The following MDN1 variants were observed in gnomAD, a reference collection of about 807,000 sequenced individuals.
MDN1 encodes midasin.
In MDN1, 266 loss-of-function variants were observed where a neutral mutation model predicts 669.2. The ratio of observed to expected loss-of-function variants is 0.40; its 90% CI spans 0.36 to 0.44. MDN1 has a LOEUF of 0.44. Ranked by LOEUF, MDN1 falls within the 20% of genes least tolerant of loss-of-function variation. MDN1 has a pLI of 1.00. For missense variants in MDN1, 5,940 were observed against 6,754.0 expected (o/e 0.88, Z 4.22); for synonymous variants, 2,385 against 2,457.1 (o/e 0.97, Z 0.87).
At position 89,745,632 on chromosome 6, in the gene MDN1, A is replaced by T. The variant is rs543655776; in HGVS notation, c.3905-6T>A. On this transcript the variant is annotated splice_region_variant and splice_polypyrimidine_tract_variant and intron_variant, in intron 27 of 101. Coordinates refer to ENST00000369393, the MANE Select transcript of MDN1 (RefSeq NM_014611.3). The stretch of plus-strand genomic sequence containing the variant: ...ACCTGCCAGAAGCATATAACCTGGG[A>T]GGAGGAGGAGGAAAAGGAGGAGAGG... 11 of 1,608,950 alleles carry T rather than the reference A, an allele frequency of 6.8e-6. No individual in the cohort carries two copies. The African/African-American group carries it at 1.5e-4, about 21-fold the overall frequency.
rs564580092 is a variant in MDN1 at position 89,661,516 on chromosome 6, G to A, written c.14628C>T (p.Pro4876=). 12 of 1,614,106 alleles carry A rather than the reference G, an allele frequency of 7.4e-6. No homozygotes were observed. The highest frequency in any genetic ancestry group is 6.7e-5 in the East Asian group (3 of 44,878). The change falls in exon 88 of 102, where the codon CCC becomes CCT. Residue 4876 remains proline, a synonymous_variant. Coordinates refer to ENST00000369393, the MANE Select transcript of MDN1 (RefSeq NM_014611.3). ...YHGNQEKVPE[P]EALDLPDDLN... is the part of the protein sequence containing the mutation. ...AGTCATCTGGAAGGTCCAAAGCCTCGGGTTCTGGCACCTTTTCCTGATTGC... is the reference window on the plus strand; with the variant it reads ...AGTCATCTGGAAGGTCCAAAGCCTCAGGTTCTGGCACCTTTTCCTGATTGC...
intron 63 of MDN1, among the ~76,000 whole-genome samples, chr6:89,691,533 G>T (rs569446090): frequency 1.3e-5 from 2 of 151,914 alleles, no homozygotes; most frequent in Non-Finnish European, 2.9e-5. Flanking sequence ...GCATTGGGTT[G>T]GTTTTTGTTT....
At chr6:89,666,236 C>G (rs1197943664) in intron 84 of MDN1, among the ~76,000 whole-genome samples, 1 of 152,194 alleles carries the variant, frequency 6.6e-6, no homozygotes, top group Non-Finnish European at 1.5e-5. Context: ...AAAAAGAGAT[C>G]ATGCTTTACA....
At chr6:89,816,329 GGC>G (rs1197159169) in intron 1 of MDN1, among the ~76,000 whole-genome samples, 1 of 152,076 alleles carries the variant, frequency 6.6e-6, no homozygotes, top group Non-Finnish European at 1.5e-5. Flanking sequence ...GAACCCAGGG[GGC>G]AGAGGTTGCA....
Position 89,730,718 on chromosome 6 carries a change from A to T in MDN1, c.5140+8T>A. 6.2e-7 allele frequency: 1 copy of T among 1,602,152 alleles called. No individual in the cohort carries two copies. Among genetic ancestry groups the T allele is most frequent in the African/African-American group, 1.3e-5 (1 of 74,194 alleles). Reference sequence around the variant, plus strand: ...AAGGAAAATTCATTTTTTAAAAATCATTCTTACCCCTTGGTATAAAAAATG... The same window carrying T: ...AAGGAAAATTCATTTTTTAAAAATCTTTCTTACCCCTTGGTATAAAAAATG... On this transcript the variant is annotated splice_region_variant and intron_variant, in intron 35 of 101. Transcript: ENST00000369393.
chr6:89,671,142 C>A, intron 82 of MDN1, 62 bp from the exon 83 acceptor site: 1 of 1,544,440 alleles, frequency 6.5e-7, no homozygotes, highest in South Asian at 1.2e-5. Flanking sequence ...GGTTTCCATT[C>A]TGGAACTAGA....
chr6:89,714,553 G>T lies in MDN1; in HGVS notation c.7059C>A (p.Ser2353Arg). The T allele has an allele frequency of 6.2e-7, 1 of 1,607,070 alleles. No homozygotes were observed. Among genetic ancestry groups the T allele is most frequent in the Non-Finnish European group, 8.5e-7 (1 of 1,176,508 alleles). Residue 2353 changes from serine to arginine, a missense_variant, in exon 46 of 102, where the codon AGC becomes AGA. Ser to Arg is a moderately radical substitution (Grantham distance 110). Around this residue, in one of 5 missense-constraint regions of MDN1, gnomAD observed 2,292 missense variants for 2,638.3 expected, o/e 0.87. Transcript: ENST00000369393. ...ILLALHTETR[S>R]TVVGSPTSSV... ...AGTCAAGCACCTCACCTACAACAGTGCTCCGGGTCTCTGTGTGTAAAGCCA... is the reference window on the plus strand; with the variant it reads ...AGTCAAGCACCTCACCTACAACAGTTCTCCGGGTCTCTGTGTGTAAAGCCA...
chr6:89,774,971 T>C (rs1288482464), intron 12 of MDN1, among the ~76,000 whole-genome samples: 1 of 152,154 alleles, frequency 6.6e-6, no homozygotes, highest in Non-Finnish European at 1.5e-5. Context: ...GCCCTACCTA[T>C]ATATGGAGTG....
In MDN1 at chr6:89,662,220, G is replaced by T; in HGVS notation, c.14432C>A (p.Ala4811Asp). ...GMDEEDSELVAKDDNLDSGNS... is the reference protein window; with the variant it reads ...GMDEEDSELVDKDDNLDSGNS... ...GCCACTATCCAAGTTGTCATCTTTA[G>T]CAACAAGTTCAGAATCTTCCTAAAT... is the stretch of plus-strand genomic sequence containing the variant. Residue 4811 changes from alanine (A) to aspartate (D), a missense_variant, in exon 87 of 102, where the codon GCT becomes GAT. Transcript: ENST00000369393. 1 of 1,611,264 alleles carries T rather than the reference G, an allele frequency of 6.2e-7. No homozygotes were observed. Among genetic ancestry groups the T allele is most frequent in the Non-Finnish European group, 8.5e-7 (1 of 1,179,430 alleles).
chr6:89,683,929 A>G (rs759979434), intron 71 of MDN1, 25 bp from the exon 72 acceptor site: 1 of 1,563,822 alleles, frequency 6.4e-7, no homozygotes, highest in Non-Finnish European at 8.8e-7. Context: ...ATGTTCAAGA[A>G]ATGGCTTTAT....
chr6:89,685,860 G>A lies in MDN1; in HGVS notation c.11686C>T (p.His3896Tyr). 1.9e-6 allele frequency: 3 copies of A among 1,614,010 alleles called. No homozygotes were observed. Among genetic ancestry groups the A allele is most frequent in the Non-Finnish European group, 2.5e-6 (3 of 1,180,014 alleles). Residue 3896 changes from histidine to tyrosine, a missense_variant, in exon 70 of 102, where the codon CAT becomes TAT. Transcript: ENST00000369393. ...RLQMLLVFHCHVLLMPQVEGK... is the reference protein window; with the variant it reads ...RLQMLLVFHCYVLLMPQVEGK... Reference sequence around the variant, plus strand: ...TCAACCTGTGGCATCAGCAAGACATGACAATGGAAAACCAGTAACATCTGA... The same window carrying A: ...TCAACCTGTGGCATCAGCAAGACATAACAATGGAAAACCAGTAACATCTGA...
At chr6:89,672,948 CACTA>C (rs1478133955) in intron 80 of MDN1, among the ~76,000 whole-genome samples, 5 of 152,148 alleles carry the variant, frequency 3.3e-5, no homozygotes, top group African/African-American at 9.7e-5. Context: ...TATGAATAAA[CACTA>C]ACTTAGTCCA....
chr6:89,748,117 G>A (rs994496826), intron 26 of MDN1, among the ~76,000 whole-genome samples: 2 of 151,922 alleles, frequency 1.3e-5, no homozygotes, highest in Non-Finnish European at 2.9e-5. Flanking sequence ...ACAAGGTCAG[G>A]AGATCGAGAC....
intron 90 of MDN1, 65 bp downstream of exon 90, chr6:89,658,144 T>C: frequency 6.3e-7 from 1 of 1,582,588 alleles, no homozygotes; most frequent in South Asian, 1.1e-5. Context: ...CAGAATGTGA[T>C]GTCGGACAGG....
rs765635280 is a variant in MDN1, at chr6:89,745,605, C to G, written c.3926G>C (p.Arg1309Pro). Residue 1309 changes from arginine (R) to proline (P), a missense_variant, in exon 28 of 102, where the codon CGA (arginine) becomes CCA (proline). Transcript: ENST00000369393. ...ANDGYMLLAGRVRKQEEIDVI... is the reference protein window; with the variant it reads ...ANDGYMLLAGPVRKQEEIDVI... ...ATCAATTTCCTCCTGCTTCCTGACT[C>G]GACCTGCCAGAAGCATATAACCTGG... 6.2e-7 allele frequency: 1 copy of G among 1,613,966 alleles called. No individual in the cohort carries two copies. Among genetic ancestry groups the G allele is most frequent in the Admixed American group, 1.7e-5 (1 of 59,998 alleles).
intron 55 of MDN1, 40 bp downstream of exon 55, chr6:89,701,518 A>G (rs1813158110): frequency 1.2e-6 from 2 of 1,608,558 alleles, no homozygotes; most frequent in Non-Finnish European, 1.7e-6. Flanking sequence ...CAGAAGTAGT[A>G]GTCACATTTC....
At chr6:89,706,934 T>G (rs1219443474) in intron 52 of MDN1, among the ~76,000 whole-genome samples, 1 of 152,162 alleles carries the variant, frequency 6.6e-6, no homozygotes, top group East Asian at 1.9e-4. Context: ...AGCACAACTA[T>G]CTTTTCAATT....
At chr6:89,774,560 GACC>G in intron 13 of MDN1, 58 bp downstream of exon 13, 1 of 1,220,628 alleles carries the variant, frequency 8.2e-7, no homozygotes, top group East Asian at 2.3e-5. Context: ...GGCTGAGCTA[GACC>G]TTCTGTCAAG....
At chr6:89,780,881 T>A (rs183192710) in intron 10 of MDN1, among the ~76,000 whole-genome samples, 1 of 151,256 alleles carries the variant, frequency 6.6e-6, no homozygotes, top group African/African-American at 2.4e-5. Context: ...GAACTCCTGA[T>A]CTCATGATCC....
Sources: gnomAD v4.1 joint callset for allele counts (sites outside exome capture counted in the v4.1 genomes callset) on GRCh38, gnomAD v4.1.1 for gene constraint, gnomAD v4.1.1 regional missense constraint, MANE v1.5 for transcripts, NCBI Gene and HGNC (gene_info 2026-07-23, HGNC 2026-07-21) for gene names.